Variants in MYO1H observed in about 807,000 individuals in gnomAD.
MYO1H encodes the protein myosin IH, also known as unconventional myosin-Ih.
Under a neutral mutation model 149.3 loss-of-function variants are expected in MYO1H, and 118 were observed. The observed-to-expected ratio is 0.79, with a 90% CI of 0.68 to 0.92. MYO1H has a LOEUF of 0.92. Ranked by LOEUF, MYO1H falls within the 40% of genes least tolerant of loss-of-function variation. The pLI is 0.00. For synonymous variants in MYO1H, 447 were observed against 465.2 expected, an observed-to-expected ratio of 0.96 and a Z score of 0.50; for missense variants, 1,212 against 1,280.7, an observed-to-expected ratio of 0.95 and a Z score of 0.82.
intron 19 of MYO1H, among the ~76,000 whole-genome samples, chr12:109,429,835 A>G (rs941628600): frequency 2.6e-5 from 4 of 152,162 alleles, no homozygotes; most frequent in African/African-American, 7.2e-5. Flanking sequence ...GTAACGAAAC[A>G]CTACACTGGG....
At chr12:109,386,978 A>G (rs1252828175) in intron 1 of MYO1H, among the ~76,000 whole-genome samples, 1 of 149,408 alleles carries the variant, frequency 6.7e-6, no homozygotes, top group Non-Finnish European at 1.5e-5. Context: ...ATTTAGGTCT[A>G]AGATGCATCT....
chr12:109,314,074 G>A, the MYO1H span, among the ~76,000 whole-genome samples: 1 of 151,822 alleles, frequency 6.6e-6, no homozygotes, highest in African/African-American at 2.4e-5. Flanking sequence ...TAGTAGACAC[G>A]GGGTTTTACC....
chr12:109,368,979 G>A (rs1307807620), intron 1 of MYO1H, among the ~76,000 whole-genome samples: 1 of 151,312 alleles, frequency 6.6e-6, no homozygotes, highest in Non-Finnish European at 1.5e-5. Flanking sequence ...TTGCTGCAAA[G>A]GACATGATTT....
intron 1 of MYO1H, among the ~76,000 whole-genome samples, chr12:109,374,582 A>C (rs1869052175): frequency 6.6e-6 from 1 of 152,130 alleles, no homozygotes; most frequent in Non-Finnish European, 1.5e-5. Flanking sequence ...GCTGCCATGT[A>C]CCTTCCTATG....
chr12:109,356,974 C>T (rs767145386), intron 1 of MYO1H, among the ~76,000 whole-genome samples: 23 of 152,138 alleles, frequency 1.5e-4, no homozygotes, highest in Non-Finnish European at 2.4e-4. Flanking sequence ...AGCATCAGAC[C>T]GTGCTTCTTT....
intron 15 of MYO1H, among the ~76,000 whole-genome samples, chr12:109,416,121 G>A (rs1336835178): frequency 6.6e-6 from 1 of 151,388 alleles, no homozygotes; most frequent in Non-Finnish European, 1.5e-5. Flanking sequence ...TTTTTTGTTT[G>A]TTTGTTTTTG....
chr12:109,382,667 C>G (rs980903214), intron 1 of MYO1H, among the ~76,000 whole-genome samples: 1 of 151,824 alleles, frequency 6.6e-6, no homozygotes, highest in Non-Finnish European at 1.5e-5. Context: ...AATATTTATA[C>G]ATAAAGCGAT....
chr12:109,429,429 A>G (rs1247366449), intron 19 of MYO1H, among the ~76,000 whole-genome samples: 3 of 152,210 alleles, frequency 2.0e-5, no homozygotes, highest in Non-Finnish European at 4.4e-5. Flanking sequence ...AAAATACAAT[A>G]AAAATAACAA....
intron 15 of MYO1H, among the ~76,000 whole-genome samples, chr12:109,418,719 AT>A (rs1017787466): frequency 3.9e-4 from 59 of 151,098 alleles, no homozygotes; most frequent in African/African-American, 1.2e-3. Flanking sequence ...AGTTTTTTGT[AT>A]TTTTTAGTAG....
At chr12:109,421,773 C>T (rs554621312) in intron 16 of MYO1H, among the ~76,000 whole-genome samples, 1 of 152,232 alleles carries the variant, frequency 6.6e-6, no homozygotes, top group East Asian at 1.9e-4. Flanking sequence ...CGACGGAATT[C>T]CCAATCTCTT....
At chr12:109,408,908 A>C (rs539036987) in intron 10 of MYO1H, among the ~76,000 whole-genome samples, 49 of 152,136 alleles carry the variant, frequency 3.2e-4, no homozygotes, top group African/African-American at 1.1e-3. Context: ...TTGTGCCTCA[A>C]ACTCCCAAGT....
intron 1 of MYO1H, among the ~76,000 whole-genome samples, chr12:109,377,467 A>G (rs2137021178): frequency 6.6e-6 from 1 of 152,292 alleles, no homozygotes; most frequent in South Asian, 2.1e-4. Context: ...GAGGGAGGGC[A>G]TTAATTTATT....
intron 24 of MYO1H, among the ~76,000 whole-genome samples, chr12:109,440,342 G>C (rs1411972283): frequency 1.3e-5 from 2 of 152,076 alleles, no homozygotes; most frequent in Non-Finnish European, 2.9e-5. Context: ...AGCCGACAGA[G>C]TACTTTCGAA....
At chr12:109,373,847 A>T (rs1212995142) in intron 1 of MYO1H, among the ~76,000 whole-genome samples, 1 of 152,132 alleles carries the variant, frequency 6.6e-6, no homozygotes, top group Non-Finnish European at 1.5e-5. Flanking sequence ...CTCTAGCCAG[A>T]GTGGTGGCAC....
At chr12:109,325,930 C>A in the MYO1H span, among the ~76,000 whole-genome samples, 1 of 152,150 alleles carries the variant, frequency 6.6e-6, no homozygotes, top group Non-Finnish European at 1.5e-5. Context: ...CCAATGTTGG[C>A]AAGGCTGTGG....
Position 109,443,042 on chromosome 12 carries a change from G to GTATACACATATA in MYO1H, c.2689-471_2689-470insATACACATATAT, listed in dbSNP as rs1555255537. 9.8e-5 allele frequency among the ~76,000 whole-genome samples: 9 copies of GTATACACATATA among 92,014 alleles called. 2 individuals are homozygous for GTATACACATATA. The highest frequency in any genetic ancestry group is 3.9e-4 in the African/African-American group (7 of 18,108). 60.4% of individuals were successfully genotyped at this position (92,014 alleles called of 152,430 possible). On this transcript the variant is annotated intron_variant, in intron 27 of 31. Transcript: ENST00000310903. Reference sequence around the variant, plus strand: ...TATATATATATATGTGTGTGTGTGTGTGTGTATATATGTGTACGTATGTGT... The same window carrying GTATACACATATA: ...TATATATATATATGTGTGTGTGTGTGTATACACATATATGTGTATATATGTGTACGTATGTGT...
exon 32 of MYO1H, chr12:109,447,342 C>G (rs950792402): frequency 2.6e-5 from 18 of 702,630 alleles, no homozygotes; most frequent in Middle Eastern, 2.6e-4. Context: ...TAGGCCAAAG[C>G]CTAATCCCAG....
At chr12:109,370,509 C>T (rs977523056) in intron 1 of MYO1H, among the ~76,000 whole-genome samples, 4 of 152,170 alleles carry the variant, frequency 2.6e-5, no homozygotes, top group African/African-American at 9.7e-5. Flanking sequence ...TACCATCTGG[C>T]TATGGAGTTG....
exon 9 of MYO1H, chr12:109,406,856 A>T: frequency 6.2e-7 from 1 of 1,613,766 alleles, no homozygotes; most frequent in Non-Finnish European, 8.5e-7. Context: ...GCCAAAACTG[A>T]GGAGGTAAAA....
Sources: gnomAD v4.1 joint callset for allele counts (sites outside exome capture counted in the v4.1 genomes callset) on GRCh38, gnomAD v4.1.1 for gene constraint, MANE v1.5 for transcripts, NCBI Gene and HGNC (gene_info 2026-07-23, HGNC 2026-07-21) for gene names.